SHISA9: variants seen among roughly 807,000 people sequenced by gnomAD.
SHISA9 encodes protein shisa-9.
In SHISA9, 13 loss-of-function variants were observed where a neutral mutation model predicts 38.0. The observed-to-expected ratio is 0.34, with a 90% CI of 0.22 to 0.54. The LOEUF (loss-of-function observed/expected upper bound fraction) is 0.54. Among genes scored for constraint, SHISA9 ranks in the 20% least tolerant of loss-of-function variants. The pLI is 0.91. For synonymous variants in SHISA9, 275 were observed against 242.0 expected (o/e 1.14, Z -1.27); for missense variants, 538 against 575.8 (o/e 0.93, Z 0.67).
At chr16:12,970,358 T>TATATATATATAC (rs1458463889) in intron 2 of SHISA9, among the ~76,000 whole-genome samples, 1 of 68,034 alleles carries the variant, frequency 1.5e-5, no homozygotes, top group Non-Finnish European at 3.1e-5. Flanking sequence ...TATGTGTATA[T>TATATATATATAC]ATATATATAT....
intron 2 of SHISA9, among the ~76,000 whole-genome samples, chr16:13,146,933 C>G (rs1391438465): frequency 6.6e-6 from 1 of 152,148 alleles, no homozygotes; most frequent in African/African-American, 2.4e-5. Flanking sequence ...AGGAAAGAAG[C>G]ATACTTTTTG....
intron 2 of SHISA9, among the ~76,000 whole-genome samples, chr16:12,967,690 G>A (rs2071998119): frequency 6.6e-6 from 1 of 151,926 alleles, no homozygotes; most frequent in African/African-American, 2.4e-5. Flanking sequence ...GAAATACTCT[G>A]GAGATTGAAG....
the SHISA9 span, among the ~76,000 whole-genome samples, chr16:13,367,712 G>GCACACACACACACACACA: frequency 1.9e-5 from 2 of 104,690 alleles, no homozygotes; most frequent in East Asian, 3.3e-4. Flanking sequence ...GCGCGCGCGC[G>GCACACACACACACACACA]CACACACACA....
At chr16:13,179,234 A>G (rs1165713539) in intron 2 of SHISA9, among the ~76,000 whole-genome samples, 3 of 152,144 alleles carry the variant, frequency 2.0e-5, no homozygotes, top group Admixed American at 2.0e-4. Context: ...CGGGAGAACA[A>G]CCAGGAGGCG....
chr16:12,942,127 A>C (rs1436380786), intron 2 of SHISA9, among the ~76,000 whole-genome samples: 2 of 152,198 alleles, frequency 1.3e-5, no homozygotes, highest in Non-Finnish European at 2.9e-5. Flanking sequence ...TGGAGACAGG[A>C]GGTAAAGAAC....
At chr16:12,979,901 T>A (rs2072218123) in intron 2 of SHISA9, among the ~76,000 whole-genome samples, 1 of 152,214 alleles carries the variant, frequency 6.6e-6, no homozygotes, top group South Asian at 2.1e-4. Context: ...CTACGACTTC[T>A]TTTAGGTTGA....
chr16:13,394,105 A>G, the SHISA9 span, among the ~76,000 whole-genome samples: 1 of 152,212 alleles, frequency 6.6e-6, no homozygotes, highest in Admixed American at 6.5e-5. Context: ...TGAGGCTGTA[A>G]GAAGCATTAC....
chr16:13,115,963 C>T (rs2074027381), intron 2 of SHISA9, among the ~76,000 whole-genome samples: 1 of 151,694 alleles, frequency 6.6e-6, no homozygotes, highest in Non-Finnish European at 1.5e-5. Context: ...CCTTTTAGGC[C>T]AAATTCAAAT....
chr16:13,103,446 T>G (rs906945423), intron 2 of SHISA9, among the ~76,000 whole-genome samples: 1 of 152,132 alleles, frequency 6.6e-6, no homozygotes, highest in African/African-American at 2.4e-5. Flanking sequence ...CATGAGCAGG[T>G]GAGTGGAAAG....
At chr16:13,393,428 A>T in the SHISA9 span, among the ~76,000 whole-genome samples, 2 of 152,100 alleles carry the variant, frequency 1.3e-5, no homozygotes, top group Non-Finnish European at 2.9e-5. Context: ...CTTTGTCTGA[A>T]TTTCTTATTG....
the SHISA9 span, among the ~76,000 whole-genome samples, chr16:13,422,891 G>T: frequency 2.0e-5 from 3 of 152,166 alleles, no homozygotes; most frequent in East Asian, 3.9e-4. Flanking sequence ...CTTATTGCAC[G>T]TGAGAGCTAA....
At chr16:13,086,353 CA>C (rs767516512) in intron 2 of SHISA9, among the ~76,000 whole-genome samples, 2,386 of 51,030 alleles carry the variant, frequency 0.047, 11 homozygotes, top group African/African-American at 0.067. Context: ...GATTCCATCT[CA>C]AAAAAAAAAA....
chr16:13,053,182 C>T (rs2073272180), intron 2 of SHISA9, among the ~76,000 whole-genome samples: 1 of 151,784 alleles, frequency 6.6e-6, no homozygotes, highest in African/African-American at 2.4e-5. Flanking sequence ...AGGCTGGTCT[C>T]GAACTTCTGA....
At chr16:13,386,865 T>C in the SHISA9 span, among the ~76,000 whole-genome samples, 4 of 152,236 alleles carry the variant, frequency 2.6e-5, no homozygotes, top group Admixed American at 6.5e-5. Context: ...TTATTTACCA[T>C]TTCCCTACTG....
chr16:13,558,890 G>C, the SHISA9 span, among the ~76,000 whole-genome samples: 2 of 152,188 alleles, frequency 1.3e-5, no homozygotes, highest in African/African-American at 4.8e-5. Context: ...TCAGGGCTCT[G>C]CACATTTCTG....
At chr16:13,549,878 C>T in the SHISA9 span, among the ~76,000 whole-genome samples, 1 of 152,002 alleles carries the variant, frequency 6.6e-6, no homozygotes, top group South Asian at 2.1e-4. Flanking sequence ...AAAAAATTAG[C>T]TGGGCATGGT....
chr16:13,073,220 C>T (rs991815497), intron 2 of SHISA9, among the ~76,000 whole-genome samples: 1 of 145,898 alleles, frequency 6.9e-6, no homozygotes, highest in African/African-American at 2.6e-5. Flanking sequence ...CTCTCTCTCT[C>T]TCTTTTTTTT....
chr16:13,511,910 G>A, the SHISA9 span, among the ~76,000 whole-genome samples: 2 of 152,112 alleles, frequency 1.3e-5, no homozygotes, highest in South Asian at 4.1e-4. Flanking sequence ...ACACCTGAGA[G>A]TGGCAGAGGG....
intron 2 of SHISA9, among the ~76,000 whole-genome samples, chr16:13,096,771 C>A (rs1372330998): frequency 1.3e-5 from 2 of 152,092 alleles, no homozygotes; most frequent in African/African-American, 2.4e-5. Context: ...TTTGATGTTT[C>A]GTGAACATCT....
Sources: allele counts gnomAD v4.1 joint callset (sites outside exome capture counted in the v4.1 genomes callset), GRCh38; gene constraint gnomAD v4.1.1; transcripts MANE v1.5; gene names NCBI Gene and HGNC (gene_info 2026-07-23, HGNC 2026-07-21).